The following PTPN6 variants were observed in gnomAD, a reference collection of about 807,000 sequenced individuals.
PTPN6 encodes the protein tyrosine-protein phosphatase non-receptor type 6.
A neutral mutation model predicts 81.5 loss-of-function variants in PTPN6; 18 were observed. The observed-to-expected ratio is 0.22, with a 90% CI of 0.15 to 0.33. PTPN6 has a LOEUF of 0.33. Ranked by LOEUF, PTPN6 falls within the 10% of genes least tolerant of loss-of-function variation. PTPN6 has a pLI of 1.00. For missense variants in PTPN6, 500 were observed against 794.2 expected (o/e 0.63, Z 4.45); for synonymous variants, 301 against 310.9 (o/e 0.97, Z 0.33).
upstream of PTPN6, chr12:6,951,317 C>A: frequency 6.7e-7 from 1 of 1,498,570 alleles, no homozygotes; most frequent in Non-Finnish European, 8.9e-7. The surrounding 1 kb of genome is among the most constrained non-coding windows in gnomAD (Gnocchi z 7.2). Context: ...GGGTCGGCCG[C>A]GCCTCTTCCT....
In PTPN6 at chr12:6,957,925, C is replaced by G. The variant is rs782681772; in HGVS notation, c.1213C>G (p.Leu405Val). The change falls in exon 11 of 16, where the codon CTG becomes GTG. Residue 405 changes from leucine to valine, a missense_variant. Physicochemically the swap from Leu to Val is conservative, Grantham distance 32 (BLOSUM62 1). Coordinates refer to ENST00000318974, the MANE Select transcript of PTPN6 (RefSeq NM_002831.6). This position sits in a 1 kb window ranked among gnomAD's most constrained non-coding sequence, Gnocchi z 6.5. ...CCCTATGTCCTCGGCTTAGGGAGAC[C>G]TGATTCGGGAGATCTGGCATTACCA... ...LQVSPLDNGD[L>V]IREIWHYQYL... The G allele has an allele frequency of 1.2e-6, 2 of 1,614,014 alleles. No individual in the cohort carries two copies. The highest frequency in any genetic ancestry group is 2.2e-5 in the South Asian group (2 of 91,084).
chr12:6,958,436 C>A (rs1946072325), intron 11 of PTPN6, among the ~76,000 whole-genome samples: 1 of 152,262 alleles, frequency 6.6e-6, no homozygotes, highest in Admixed American at 6.5e-5. Flanking sequence ...GCTCCGCTTT[C>A]TCTCGAGGTC....
At position 6,956,891 on chromosome 12, in the gene PTPN6, G is replaced by C. The variant is rs1041505165; in HGVS notation, c.1074+323G>C. Among the ~76,000 whole-genome samples the C allele has an allele frequency of 6.6e-6, 1 of 151,978 alleles. No homozygotes were observed. Among genetic ancestry groups the C allele is most frequent in the Admixed American group, 6.5e-5 (1 of 15,272 alleles). ...CTGGAGTCTGCCCCTTACCCTGCAG[G>C]CTCCCCCTACACAGCACCCTCTGTG... On this transcript the variant is annotated intron_variant, in intron 9 of 15. Transcript: ENST00000318974. The surrounding 1 kb of genome is among the most constrained non-coding windows in gnomAD (Gnocchi z 4.1).
At chr12:6,961,003 G>T in intron 15 of PTPN6, 58 bp downstream of exon 15, 2 of 1,547,084 alleles carry the variant, frequency 1.3e-6, no homozygotes, top group Non-Finnish European at 1.7e-6. Flanking sequence ...TGGCTCCACT[G>T]CCTTCCCTGG....
rs1945943675 is a variant in PTPN6, at chr12:6,952,427, G to T, written c.326+250G>T. The T allele has an allele frequency of 1.8e-6, 1 of 569,110 alleles. No homozygotes were observed. Among genetic ancestry groups the T allele is most frequent in the South Asian group, 2.0e-5 (1 of 49,934 alleles). The allele number at this position is 569,110 out of a possible 1,614,324, so 35.3% of individuals were successfully genotyped here. On this transcript the variant is annotated intron_variant, in intron 3 of 15. Transcript: ENST00000318974. This position sits in a 1 kb window ranked among gnomAD's most constrained non-coding sequence, Gnocchi z 8.1. ...AAAGCTGCCTCGCCCTACTCCGGGA[G>T]CCCTGGCCGCTGCAACCCAGGTCCC...
Position 6,955,865 on chromosome 12 carries a change from AC to A in PTPN6, c.844+115del. The A allele has an allele frequency of 4.4e-6, 4 of 918,684 alleles. No homozygotes were observed. The highest frequency in any genetic ancestry group is 1.4e-5 in the South Asian group (1 of 72,952). 56.9% of individuals were successfully genotyped at this position (918,684 alleles called of 1,614,324 possible). ...ACGCCAGGAGGGGCCATCTCCCCAC[AC>A]CCCCCACAGAGCCTCCCCCTTCTCC... On this transcript the variant is annotated intron_variant, in intron 7 of 15. Coordinates refer to ENST00000318974, the MANE Select transcript of PTPN6 (RefSeq NM_002831.6). The surrounding 1 kb of genome is among the most constrained non-coding windows in gnomAD (Gnocchi z 7.2).
chr12:6,947,668 CAAAAAAAA>C (rs112544780), upstream of PTPN6, among the ~76,000 whole-genome samples: 1 of 64,792 alleles, frequency 1.5e-5, no homozygotes, highest in Admixed American at 1.8e-4. Flanking sequence ...GACCTTGTCT[CAAAAAAAA>C]AAAAAAAAAA....
upstream of PTPN6, among the ~76,000 whole-genome samples, chr12:6,947,855 T>C (rs150069282): frequency 2.4e-4 from 37 of 152,020 alleles, 1 homozygote; most frequent in East Asian, 7.1e-3. Flanking sequence ...CAAGCATCTC[T>C]GGGCAGAGGA....
chr12:6,960,133 G>A lies in PTPN6; in HGVS notation c.1475G>A (p.Arg492Gln). 1.2e-6 allele frequency: 2 copies of A among 1,613,772 alleles called. No homozygotes were observed. The highest frequency in any genetic ancestry group is 1.7e-6 in the Non-Finnish European group (2 of 1,180,010). The part of the protein sequence containing the change: ...IDIQKTIQMV[R>Q]AQRSGMVQTE... ...ATCCAGAAGACCATCCAGATGGTGC[G>A]GGCGCAGCGCTCGGGCATGGTGCAG... The change falls in exon 13 of 16, where the codon CGG becomes CAG. Residue 492 changes from arginine to glutamine, a missense_variant. Around this residue, in one of 6 missense-constraint regions of PTPN6, gnomAD observed 226 missense variants for 364.4 expected, o/e 0.62. Transcript: ENST00000318974. The surrounding 1 kb of genome is among the most constrained non-coding windows in gnomAD (Gnocchi z 6.1).
chr12:6,957,629 T>TCGC lies in PTPN6; in HGVS notation c.1075-24_1075-23insGCC. 297 of 1,521,056 alleles carry TCGC rather than the reference T, an allele frequency of 2.0e-4. No homozygotes were observed. Among genetic ancestry groups the TCGC allele is most frequent in the Non-Finnish European group, 2.5e-4 (275 of 1,105,274 alleles). The allele number at this position is 1,521,056 out of a possible 1,614,324, so 94.2% of individuals were successfully genotyped here. ...CCACAGTGCCCTGCTCTGTGCCTCATCCCCACCCGACCCTCCCTTTCCAGA... is the reference window on the plus strand; with the variant it reads ...CCACAGTGCCCTGCTCTGTGCCTCATCGCCCCCACCCGACCCTCCCTTTCCAGA... On this transcript the variant is annotated intron_variant, in intron 9 of 15. Coordinates refer to ENST00000318974, the MANE Select transcript of PTPN6 (RefSeq NM_002831.6). This position sits in a 1 kb window ranked among gnomAD's most constrained non-coding sequence, Gnocchi z 6.5.
Position 6,955,747 on chromosome 12 carries a change from A to T in PTPN6, c.835A>T (p.Ile279Phe). 1 of 1,613,634 alleles carries T rather than the reference A, an allele frequency of 6.2e-7. No homozygotes were observed. Among genetic ancestry groups the T allele is most frequent in the Non-Finnish European group, 8.5e-7 (1 of 1,179,860 alleles). ...CAAGGGCAAGAACCGCTACAAGAAC[A>T]TTCTCCCCTGTGAGCACCCAGGCTG... ...ENKGKNRYKN[I>F]LPFDHSRVIL... The change falls in exon 7 of 16, where the codon ATT (isoleucine) becomes TTT (phenylalanine). Residue 279 changes from isoleucine (I) to phenylalanine (F), a missense_variant. Physicochemically the swap from Ile to Phe is conservative, Grantham distance 21 (BLOSUM62 0). Transcript: ENST00000318974. The surrounding 1 kb of genome is among the most constrained non-coding windows in gnomAD (Gnocchi z 7.2).
At chr12:6,948,526 A>T (rs1945866024), upstream of PTPN6, among the ~76,000 whole-genome samples, 1 of 151,676 alleles carries the variant, frequency 6.6e-6, no homozygotes, top group Non-Finnish European at 1.5e-5. Context: ...GCGAGAAAGA[A>T]GAAAGAAAAG....
chr12:6,948,420 G>A (rs1274334849), upstream of PTPN6, among the ~76,000 whole-genome samples: 20 of 128,226 alleles, frequency 1.6e-4, no homozygotes, highest in Non-Finnish European at 6.3e-5. Flanking sequence ...GGGTGATAAA[G>A]CAAGATTCTG....
rs1000361901 is a variant in PTPN6, at chr12:6,954,817, C to T, written c.339C>T (p.Gly113=). The stretch of plus-strand genomic sequence containing the variant: ...CTGCCTTCTCTAGGTGGTACCATGG[C>T]CACATGTCTGGCGGGCAGGCAGAGA... ...SDPTSERWYH[G]HMSGGQAETL... is the part of the protein sequence containing the mutation. The change falls in exon 4 of 16, where the codon GGC becomes GGT. Residue 113 remains glycine (G), a synonymous_variant. Coordinates refer to ENST00000318974, the MANE Select transcript of PTPN6 (RefSeq NM_002831.6). This position sits in a 1 kb window ranked among gnomAD's most constrained non-coding sequence, Gnocchi z 5.4. The T allele has an allele frequency of 3.7e-6, 6 of 1,613,844 alleles. No individual in the cohort carries two copies. Among genetic ancestry groups the T allele is most frequent in the Non-Finnish European group, 5.1e-6 (6 of 1,180,026 alleles).
At chr12:6,948,567 G>C (rs1945868443), upstream of PTPN6, among the ~76,000 whole-genome samples, 1 of 149,966 alleles carries the variant, frequency 6.7e-6, no homozygotes, top group Admixed American at 6.7e-5. Context: ...AGAAAGGAAA[G>C]AAAAAGAAAA....
At chr12:6,948,309 A>G (rs181082792), upstream of PTPN6, among the ~76,000 whole-genome samples, 38 of 151,858 alleles carry the variant, frequency 2.5e-4, no homozygotes, top group East Asian at 7.2e-3. Flanking sequence ...AGTGGCATGC[A>G]CCTGTGGTCT....
In PTPN6 at chr12:6,957,803, C is replaced by A; in HGVS notation, c.1206+18C>A. On this transcript the variant is annotated intron_variant, in intron 10 of 15. Coordinates refer to ENST00000318974, the MANE Select transcript of PTPN6 (RefSeq NM_002831.6). This position sits in a 1 kb window ranked among gnomAD's most constrained non-coding sequence, Gnocchi z 6.5. ...TGGACAATGTGAGTGGCCCCCACGC[C>A]CTGCCCCATTCCGGGAGTCCCTCCC... 6.2e-7 allele frequency: 1 copy of A among 1,614,134 alleles called. No homozygotes were observed. Among genetic ancestry groups the A allele is most frequent in the Non-Finnish European group, 8.5e-7 (1 of 1,180,034 alleles).
Position 6,957,881 on chromosome 12 carries a change from A to G in PTPN6, c.1207-38A>G, listed in dbSNP as rs1555148996. On this transcript the variant is annotated intron_variant, in intron 10 of 15. Transcript: ENST00000318974. This position sits in a 1 kb window ranked among gnomAD's most constrained non-coding sequence, Gnocchi z 6.5. ...AGGGTGAGATGGATGAGGTGTTCCG[A>G]GAGAGGAGGGGGCACTGACCCTATG... The G allele has an allele frequency of 6.2e-7, 1 of 1,613,916 alleles. No homozygotes were observed. The highest frequency in any genetic ancestry group is 1.1e-5 in the South Asian group (1 of 91,080).
At position 6,957,846 on chromosome 12, in the gene PTPN6, C is replaced by G. The variant is rs889986687; in HGVS notation, c.1206+61C>G. 6.8e-6 allele frequency: 11 copies of G among 1,613,890 alleles called. No homozygotes were observed. The Admixed American group carries it at 1.5e-4, about 22-fold the overall frequency. Reference sequence around the variant, plus strand: ...TCCCTCCCTGGACTTGTTCTCCTCTCTGGTCGGGTAGGGTGAGATGGATGA... The same window carrying G: ...TCCCTCCCTGGACTTGTTCTCCTCTGTGGTCGGGTAGGGTGAGATGGATGA... On this transcript the variant is annotated intron_variant, in intron 10 of 15. Transcript: ENST00000318974. The surrounding 1 kb of genome is among the most constrained non-coding windows in gnomAD (Gnocchi z 6.5).
Sources: allele counts gnomAD v4.1 joint callset (sites outside exome capture counted in the v4.1 genomes callset), GRCh38; gene constraint gnomAD v4.1.1; regional missense constraint gnomAD v4.1.1; non-coding constraint Gnocchi (gnomAD v3.1); transcripts MANE v1.5; gene names NCBI Gene and HGNC (gene_info 2026-07-23, HGNC 2026-07-21).